Variants in NRXN3 observed in about 807,000 individuals in gnomAD.
NRXN3 encodes the protein neurexin III.
In NRXN3, 32 loss-of-function variants were observed where a neutral mutation model predicts 137.6. That is an observed-to-expected ratio of 0.23 (90% CI 0.18 to 0.31). The LOEUF (loss-of-function observed/expected upper bound fraction) is 0.31, where lower values mean the gene tolerates loss of function less well. Ranked by LOEUF, NRXN3 falls within the 10% of genes least tolerant of loss-of-function variation. The probability of loss-of-function intolerance (pLI) is 1.00; values close to 1 mark genes in which losing one functional copy is unlikely to be tolerated. For synonymous variants in NRXN3, 798 were observed against 784.5 expected (o/e 1.02, Z -0.29); for missense variants, 1,574 against 2,062.5 (o/e 0.76, Z 4.59).
chr14:78,384,535 A>G (rs762887095), intron 4 of NRXN3, among the ~76,000 whole-genome samples: 6 of 152,202 alleles, frequency 3.9e-5, no homozygotes, highest in Non-Finnish European at 8.8e-5. Context: ...TTTTTAAACA[A>G]TTGCTTACTT....
At chr14:79,488,583 G>A (rs984318108) in intron 16 of NRXN3, among the ~76,000 whole-genome samples, 2 of 152,120 alleles carry the variant, frequency 1.3e-5, no homozygotes, top group African/African-American at 2.4e-5. Flanking sequence ...AACAGTAGAC[G>A]GCTTAATGTC....
intron 15 of NRXN3, among the ~76,000 whole-genome samples, chr14:79,413,448 C>T (rs998835195): frequency 6.6e-6 from 1 of 152,052 alleles, no homozygotes; most frequent in Non-Finnish European, 1.5e-5. Context: ...GTTTTGGATT[C>T]ACTGTTGCTT....
At chr14:79,140,953 A>G (rs2058733362) in intron 15 of NRXN3, among the ~76,000 whole-genome samples, 1 of 152,228 alleles carries the variant, frequency 6.6e-6, no homozygotes, top group South Asian at 2.1e-4. Flanking sequence ...AAATGTATAT[A>G]TATTTTGTAT....
chr14:78,871,391 C>A (rs770927490), intron 10 of NRXN3, among the ~76,000 whole-genome samples: 4 of 151,978 alleles, frequency 2.6e-5, no homozygotes, highest in Non-Finnish European at 5.9e-5. Context: ...ATTTATCAAG[C>A]CAGATTGTCA....
intron 20 of NRXN3, among the ~76,000 whole-genome samples, chr14:79,807,641 T>C (rs759799533): frequency 6.6e-6 from 1 of 152,136 alleles, no homozygotes; most frequent in Non-Finnish European, 1.5e-5. Context: ...GGTGGGGAGA[T>C]ACAGTTTTTA....
Position 79,154,025 on chromosome 14 carries a change from G to T in NRXN3, c.3262+165884G>T, listed in dbSNP as rs897739274. Reference sequence around the variant, plus strand: ...CCAAAGAGCGAAGAGCATGGAACTCGCCAATAGCCTGCAAACTCTTTCCTT... The same window carrying T: ...CCAAAGAGCGAAGAGCATGGAACTCTCCAATAGCCTGCAAACTCTTTCCTT... On this transcript the variant is annotated intron_variant, in intron 15 of 20. Coordinates refer to ENST00000335750, the MANE Select transcript of NRXN3 (RefSeq NM_001330195.2). 2.0e-5 allele frequency among the ~76,000 whole-genome samples: 3 copies of T among 152,020 alleles called. No individual in the cohort carries two copies. In the South Asian group the frequency reaches 6.2e-4, roughly 32 times the overall value.
At chr14:78,438,287 T>C (rs929210918) in intron 4 of NRXN3, among the ~76,000 whole-genome samples, 1 of 152,176 alleles carries the variant, frequency 6.6e-6, no homozygotes, top group East Asian at 1.9e-4. Flanking sequence ...AGAGAATCAT[T>C]AAGCAGCTGG....
At chr14:79,690,383 C>T (rs945123809) in intron 17 of NRXN3, among the ~76,000 whole-genome samples, 2 of 152,052 alleles carry the variant, frequency 1.3e-5, no homozygotes, top group African/African-American at 2.4e-5. Context: ...AATTAACTTG[C>T]CTGTCTCTTT....
intron 1 of NRXN3, among the ~76,000 whole-genome samples, chr14:78,197,001 C>T (rs1230777703): frequency 2.0e-5 from 3 of 152,186 alleles, no homozygotes; most frequent in Non-Finnish European, 4.4e-5. Flanking sequence ...GATGTTATGA[C>T]CAGTGGGAGC....
intron 15 of NRXN3, among the ~76,000 whole-genome samples, chr14:79,065,226 G>A (rs974163208): frequency 2.0e-5 from 3 of 152,124 alleles, no homozygotes; most frequent in African/African-American, 4.8e-5. Context: ...ATAGGTCCCT[G>A]ATACACTGGG....
intron 2 of NRXN3, among the ~76,000 whole-genome samples, chr14:78,252,853 G>A (rs1273543802): frequency 2.6e-5 from 4 of 152,236 alleles, no homozygotes; most frequent in African/African-American, 9.6e-5. Context: ...ACCCACTTGC[G>A]AGGAGGGATA....
At chr14:78,239,797 C>T (rs2066844343) in intron 1 of NRXN3, among the ~76,000 whole-genome samples, 1 of 152,206 alleles carries the variant, frequency 6.6e-6, no homozygotes, top group Non-Finnish European at 1.5e-5. Flanking sequence ...AACTCTGCAT[C>T]CCAGGTTCCA....
At chr14:78,666,464 G>A (rs771735103) in intron 6 of NRXN3, among the ~76,000 whole-genome samples, 23 of 152,202 alleles carry the variant, frequency 1.5e-4, no homozygotes, top group Non-Finnish European at 2.2e-4. Flanking sequence ...GGTGGGTGCA[G>A]TGTGCTAAAT....
At chr14:79,691,781 G>A (rs966995059) in intron 17 of NRXN3, among the ~76,000 whole-genome samples, 7 of 151,996 alleles carry the variant, frequency 4.6e-5, no homozygotes, top group South Asian at 2.1e-4. Flanking sequence ...ACTGTGGAGC[G>A]AGGGTCCCGT....
At chr14:78,723,155 G>A (rs747819421) in intron 8 of NRXN3, among the ~76,000 whole-genome samples, 31 of 152,132 alleles carry the variant, frequency 2.0e-4, no homozygotes, top group African/African-American at 6.3e-4. Flanking sequence ...AGCATACCAC[G>A]TTTAACAATG....
At chr14:78,250,721 T>G (rs2068480709) in intron 2 of NRXN3, among the ~76,000 whole-genome samples, 1 of 152,106 alleles carries the variant, frequency 6.6e-6, no homozygotes, top group Non-Finnish European at 1.5e-5. Context: ...TGAGGGCAAG[T>G]GTGGGTGCTG....
At chr14:79,055,195 A>G (rs2099655984) in intron 15 of NRXN3, among the ~76,000 whole-genome samples, 1 of 152,160 alleles carries the variant, frequency 6.6e-6, no homozygotes, top group Non-Finnish European at 1.5e-5. Flanking sequence ...CTTCTCTCTC[A>G]GTCATAAGAA....
intron 19 of NRXN3, among the ~76,000 whole-genome samples, chr14:79,736,068 C>G (rs1298182262): frequency 6.6e-6 from 1 of 152,156 alleles, no homozygotes; most frequent in East Asian, 1.9e-4. Flanking sequence ...TCACCACTTA[C>G]ATTTCTCAAC....
intron 15 of NRXN3, among the ~76,000 whole-genome samples, chr14:79,010,166 C>G (rs1426832221): frequency 6.6e-6 from 1 of 152,052 alleles, no homozygotes; most frequent in Non-Finnish European, 1.5e-5. Context: ...CATTTTTTAG[C>G]CTATGTTGTA....
Sources: allele counts gnomAD v4.1 joint callset (sites outside exome capture counted in the v4.1 genomes callset), GRCh38; gene constraint gnomAD v4.1.1; transcripts MANE v1.5; gene names NCBI Gene and HGNC (gene_info 2026-07-23, HGNC 2026-07-21).